NKAIN2: variants seen among roughly 807,000 people sequenced by gnomAD.
NKAIN2 encodes the protein sodium/potassium-transporting ATPase subunit beta-1-interacting protein 2.
Under a neutral mutation model 32.6 loss-of-function variants are expected in NKAIN2, and 14 were observed. The observed-to-expected ratio is 0.43, with a 90% confidence interval of 0.28 to 0.67. The LOEUF is 0.67. NKAIN2 is among the 30% of genes least tolerant of loss of function. The pLI is 0.17. For missense variants in NKAIN2, 198 were observed against 258.3 expected (o/e 0.77, Z 1.60); for synonymous variants, 80 against 87.2 (o/e 0.92, Z 0.46).
chr6:124,616,551 G>C (rs1782909030), intron 3 of NKAIN2, among the ~76,000 whole-genome samples: 1 of 128,374 alleles, frequency 7.8e-6, no homozygotes, highest in African/African-American at 3.1e-5. Flanking sequence ...TGAAAGCTCC[G>C]CCTCCCAGGT....
chr6:124,059,398 C>T (rs759614706), intron 1 of NKAIN2, among the ~76,000 whole-genome samples: 19 of 152,066 alleles, frequency 1.2e-4, no homozygotes, highest in Non-Finnish European at 2.2e-4. Context: ...GCAAGGCTCC[C>T]TACCTGTAAT....
intron 3 of NKAIN2, among the ~76,000 whole-genome samples, chr6:124,621,793 C>A (rs1783115860): frequency 6.6e-6 from 1 of 152,054 alleles, no homozygotes; most frequent in Admixed American, 6.6e-5. Context: ...CTTTGAAAAT[C>A]TCTCCCAACT....
intron 3 of NKAIN2, among the ~76,000 whole-genome samples, chr6:124,578,180 G>T (rs917245496): frequency 3.9e-5 from 6 of 151,942 alleles, no homozygotes; most frequent in Non-Finnish European, 8.8e-5. Context: ...CTTGAGAAAA[G>T]GGGAGGGAAG....
intron 1 of NKAIN2, among the ~76,000 whole-genome samples, chr6:124,082,321 C>G (rs1784010020): frequency 6.6e-6 from 1 of 152,040 alleles, no homozygotes; most frequent in Admixed American, 6.6e-5. Context: ...ATGCTATAGG[C>G]TCTTAATGTA....
chr6:124,418,435 C>A (rs62436321), intron 3 of NKAIN2, among the ~76,000 whole-genome samples: 6 of 149,420 alleles, frequency 4.0e-5, no homozygotes, highest in African/African-American at 1.5e-4. Flanking sequence ...ATAACTGAAC[C>A]CTTATTCTGA....
At chr6:124,474,625 ATACT>A (rs1211166639) in intron 3 of NKAIN2, among the ~76,000 whole-genome samples, 1 of 151,938 alleles carries the variant, frequency 6.6e-6, no homozygotes, top group Non-Finnish European at 1.5e-5. Flanking sequence ...TGACTAGCAC[ATACT>A]AAGTTTTAAA....
At chr6:123,913,581 T>C (rs1205768373) in intron 1 of NKAIN2, among the ~76,000 whole-genome samples, 1 of 152,176 alleles carries the variant, frequency 6.6e-6, no homozygotes, top group Non-Finnish European at 1.5e-5. Context: ...GGTATTCATT[T>C]TGAAGGTTTA....
chr6:124,663,351 A>T (rs554532995), intron 4 of NKAIN2, among the ~76,000 whole-genome samples: 26 of 152,190 alleles, frequency 1.7e-4, no homozygotes, highest in African/African-American at 6.3e-4. Flanking sequence ...GAATCGCTTG[A>T]AACTGGGAGG....
At chr6:124,280,420 A>G (rs1372017813) in intron 1 of NKAIN2, among the ~76,000 whole-genome samples, 4 of 152,122 alleles carry the variant, frequency 2.6e-5, no homozygotes, top group Non-Finnish European at 5.9e-5. Context: ...GTAAATAGAA[A>G]AGGTAAGGGC....
At chr6:124,793,906 G>A (rs187913414) in intron 5 of NKAIN2, among the ~76,000 whole-genome samples, 16 of 152,066 alleles carry the variant, frequency 1.1e-4, no homozygotes, top group South Asian at 2.1e-4. Flanking sequence ...ACAGTTCCCC[G>A]GGGAGAATAC....
intron 3 of NKAIN2, among the ~76,000 whole-genome samples, chr6:124,556,691 A>G (rs1467018930): frequency 2.0e-5 from 3 of 152,230 alleles, no homozygotes; most frequent in Admixed American, 1.3e-4. Flanking sequence ...ACAGTAGGGT[A>G]TAATTAATGT....
At chr6:124,324,867 G>A (rs951495852) in intron 2 of NKAIN2, among the ~76,000 whole-genome samples, 5 of 151,760 alleles carry the variant, frequency 3.3e-5, no homozygotes, top group Non-Finnish European at 7.4e-5. Context: ...ATTATTAAAT[G>A]AACTTTTCAT....
intron 3 of NKAIN2, among the ~76,000 whole-genome samples, chr6:124,459,165 A>C (rs905048085): frequency 4.0e-5 from 6 of 151,828 alleles, no homozygotes; most frequent in Non-Finnish European, 7.4e-5. Flanking sequence ...CAAAGAGAGG[A>C]GGAGTCCCCA....
intron 1 of NKAIN2, among the ~76,000 whole-genome samples, chr6:123,805,708 A>G (rs1773184948): frequency 6.6e-6 from 1 of 152,162 alleles, no homozygotes; most frequent in South Asian, 2.1e-4. Context: ...ACTTTGTTAA[A>G]CAACCCATTA....
chr6:124,350,114 A>G (rs1365964624), intron 2 of NKAIN2, among the ~76,000 whole-genome samples: 1 of 152,232 alleles, frequency 6.6e-6, no homozygotes, highest in Non-Finnish European at 1.5e-5. Flanking sequence ...GTATCTAGCA[A>G]TTGTGATACT....
At chr6:124,572,841 A>G (rs747936960) in intron 3 of NKAIN2, among the ~76,000 whole-genome samples, 7 of 151,840 alleles carry the variant, frequency 4.6e-5, no homozygotes, top group Non-Finnish European at 8.8e-5. Flanking sequence ...TTGTTATTTT[A>G]TTTATTTATT....
intron 1 of NKAIN2, among the ~76,000 whole-genome samples, chr6:124,161,397 G>A (rs147195823): frequency 1.3e-5 from 2 of 151,994 alleles, no homozygotes; most frequent in African/African-American, 2.4e-5. Context: ...TCCAGCACTG[G>A]GGATTAAAAT....
intron 1 of NKAIN2, among the ~76,000 whole-genome samples, chr6:123,937,397 T>G (rs574303326): frequency 6.6e-6 from 1 of 152,224 alleles, no homozygotes; most frequent in Admixed American, 6.6e-5. Context: ...CCAAGTACAG[T>G]CATCTTCCAT....
intron 1 of NKAIN2, among the ~76,000 whole-genome samples, chr6:123,982,484 G>A (rs1778943985): frequency 6.6e-6 from 1 of 152,054 alleles, no homozygotes; most frequent in Admixed American, 6.6e-5. Context: ...ATGAAGAAAG[G>A]TGACAAGGAT....
Sources: allele counts gnomAD v4.1 joint callset (sites outside exome capture counted in the v4.1 genomes callset), GRCh38; gene constraint gnomAD v4.1.1; transcripts MANE v1.5; gene names NCBI Gene and HGNC (gene_info 2026-07-23, HGNC 2026-07-21).